ERBB4: variants seen among roughly 807,000 people sequenced by gnomAD.
ERBB4 encodes the protein receptor tyrosine-protein kinase erbB-4.
Under a neutral mutation model 158.0 loss-of-function variants are expected in ERBB4, and 42 were observed. That is an observed-to-expected ratio of 0.27 (90% CI 0.21 to 0.34). The LOEUF is 0.34. Among genes scored for constraint, ERBB4 ranks in the 10% least tolerant of loss-of-function variants. ERBB4 has a pLI of 1.00. For synonymous variants in ERBB4, 583 were observed against 558.7 expected, an observed-to-expected ratio of 1.04 and a Z score of -0.61; for missense variants, 1,333 against 1,624.1, an observed-to-expected ratio of 0.82 and a Z score of 3.08.
intron 1 of ERBB4, among the ~76,000 whole-genome samples, chr2:212,238,155 T>C (rs1235903351): frequency 6.6e-6 from 1 of 152,210 alleles, no homozygotes; most frequent in Non-Finnish European, 1.5e-5. Context: ...TAGCTGGGTG[T>C]CTGCCCAAAT....
At chr2:211,411,836 G>A (rs2063269005) in intron 25 of ERBB4, among the ~76,000 whole-genome samples, 1 of 152,090 alleles carries the variant, frequency 6.6e-6, no homozygotes, top group Non-Finnish European at 1.5e-5. Context: ...ACTCTAAATA[G>A]ATGAAGGCCA....
intron 2 of ERBB4, among the ~76,000 whole-genome samples, chr2:212,036,711 G>A (rs1428695992): frequency 2.0e-5 from 3 of 151,988 alleles, no homozygotes; most frequent in South Asian, 2.1e-4. Flanking sequence ...TGATCCTCCC[G>A]CCTCGGCCTG....
At chr2:212,124,504 G>A (rs1162185668) in intron 2 of ERBB4, 2 of 508,240 alleles carry the variant, frequency 3.9e-6, no homozygotes, top group East Asian at 7.2e-5. Flanking sequence ...GTACTACATG[G>A]TGACAGAATC....
intron 1 of ERBB4, among the ~76,000 whole-genome samples, chr2:212,174,863 C>G (rs2081613878): frequency 6.6e-6 from 1 of 151,990 alleles, no homozygotes; most frequent in Non-Finnish European, 1.5e-5. Flanking sequence ...ATTAAAAAAT[C>G]ATGGCATTGC....
intron 3 of ERBB4, among the ~76,000 whole-genome samples, chr2:211,889,433 A>G (rs1279999957): frequency 1.3e-5 from 2 of 149,280 alleles, no homozygotes; most frequent in Admixed American, 1.3e-4. Flanking sequence ...AGTAGATAAA[A>G]CCACAAAGAT....
chr2:211,880,449 A>G (rs1433701525), intron 3 of ERBB4, among the ~76,000 whole-genome samples: 1 of 152,168 alleles, frequency 6.6e-6, no homozygotes, highest in Admixed American at 6.6e-5. Context: ...GCGCATACAC[A>G]GTAGATGCCT....
intron 2 of ERBB4, among the ~76,000 whole-genome samples, chr2:212,037,695 G>C (rs569573555): frequency 2.6e-4 from 39 of 152,318 alleles, no homozygotes; most frequent in African/African-American, 9.4e-4. Context: ...CTTATGTGCA[G>C]ATTGGTTCTG....
intron 2 of ERBB4, among the ~76,000 whole-genome samples, chr2:212,118,952 T>C (rs1382863654): frequency 6.6e-6 from 1 of 152,042 alleles, no homozygotes; most frequent in Non-Finnish European, 1.5e-5. Flanking sequence ...CTATCAATAA[T>C]AGAGTATTAA....
intron 1 of ERBB4, among the ~76,000 whole-genome samples, chr2:212,225,909 C>T (rs2083452464): frequency 6.6e-6 from 1 of 152,018 alleles, no homozygotes; most frequent in Non-Finnish European, 1.5e-5. Context: ...TATGAATACA[C>T]TGTAGTTTCA....
At chr2:211,580,894 T>C (rs1451880951) in intron 19 of ERBB4, among the ~76,000 whole-genome samples, 1,844 of 8,214 alleles carry the variant, frequency 0.22, 440 homozygotes, top group African/African-American at 0.57. Flanking sequence ...TATATATATA[T>C]ATATATATAT....
At chr2:212,493,912 A>G (rs576226996) in intron 1 of ERBB4, among the ~76,000 whole-genome samples, 30 of 151,852 alleles carry the variant, frequency 2.0e-4, no homozygotes, top group Non-Finnish European at 4.1e-4. Context: ...CAAAGAAATG[A>G]GTATTATTAG....
At chr2:212,161,753 G>A (rs975734362) in intron 1 of ERBB4, among the ~76,000 whole-genome samples, 2 of 151,936 alleles carry the variant, frequency 1.3e-5, no homozygotes, top group South Asian at 4.2e-4. Flanking sequence ...ACCATATATA[G>A]TATAAGAATT....
intron 20 of ERBB4, among the ~76,000 whole-genome samples, chr2:211,499,256 G>A (rs889534915): frequency 6.6e-6 from 1 of 152,080 alleles, no homozygotes; most frequent in Admixed American, 6.5e-5. Flanking sequence ...CGGGTGCCGT[G>A]GCTCACGCTT....
At chr2:211,596,623 C>T (rs1409721143) in intron 19 of ERBB4, among the ~76,000 whole-genome samples, 1 of 152,156 alleles carries the variant, frequency 6.6e-6, no homozygotes, top group Non-Finnish European at 1.5e-5. Context: ...CCTTCTTACC[C>T]CTGAAGACCT....
rs561142686 is a variant in ERBB4 at position 212,482,580 on chromosome 2, A to G, written c.82+55869T>C. ...AGGAGAAATTTAACAAGATACTTGT[A>G]GTTAGAAGGAAGTAAAATATTTAAC... On this transcript the variant is annotated intron_variant, in intron 1 of 27. Coordinates refer to ENST00000342788, the MANE Select transcript of ERBB4 (RefSeq NM_005235.3). Among the ~76,000 whole-genome samples the G allele has an allele frequency of 3.9e-5, 6 of 152,342 alleles. No individual in the cohort carries two copies. The East Asian group carries it at 1.2e-3, about 29-fold the overall frequency.
intron 3 of ERBB4, among the ~76,000 whole-genome samples, chr2:211,906,535 ATGAT>A (rs1364759639): frequency 2.0e-5 from 3 of 147,662 alleles, no homozygotes; most frequent in African/African-American, 7.3e-5. Context: ...ATTGATATCT[ATGAT>A]AGATAGATAT....
At chr2:211,901,079 AT>A (rs2079222161) in intron 3 of ERBB4, among the ~76,000 whole-genome samples, 1 of 152,060 alleles carries the variant, frequency 6.6e-6, no homozygotes, top group African/African-American at 2.4e-5. Flanking sequence ...TTTGTATGTT[AT>A]TTTTCTTTCA....
At chr2:212,422,500 AAC>A (rs56308920) in intron 1 of ERBB4, among the ~76,000 whole-genome samples, 50 of 148,368 alleles carry the variant, frequency 3.4e-4, no homozygotes, top group Middle Eastern at 3.6e-3. Context: ...TTGGACTCAA[AAC>A]ACACACACAC....
At chr2:212,012,812 A>G (rs1011393874) in intron 2 of ERBB4, among the ~76,000 whole-genome samples, 2 of 151,894 alleles carry the variant, frequency 1.3e-5, no homozygotes, top group African/African-American at 4.8e-5. Flanking sequence ...TAGTGCAATC[A>G]TGGCTCACAG....
Sources: gnomAD v4.1 joint callset for allele counts (sites outside exome capture counted in the v4.1 genomes callset) on GRCh38, gnomAD v4.1.1 for gene constraint, MANE v1.5 for transcripts, NCBI Gene and HGNC (gene_info 2026-07-23, HGNC 2026-07-21) for gene names.